KCNK12: variants seen among roughly 807,000 people sequenced by gnomAD.
KCNK12 encodes potassium channel subfamily K member 12.
Under a neutral mutation model 25.3 loss-of-function variants are expected in KCNK12, and 6 were observed. The observed-to-expected ratio is 0.24, with a 90% CI of 0.13 to 0.47. The LOEUF (loss-of-function observed/expected upper bound fraction) is 0.47. Ranked by LOEUF, KCNK12 falls within the 20% of genes least tolerant of loss-of-function variation. The pLI is 0.99. For synonymous variants in KCNK12, 331 were observed against 311.1 expected (o/e 1.06, Z -0.67); for missense variants, 444 against 661.7 (o/e 0.67, Z 3.61).
rs1228562539 is a variant in KCNK12, at chr2:47,555,594, A to G, written c.391+14347T>C. Among the ~76,000 whole-genome samples the G allele has an allele frequency of 6.6e-6, 1 of 152,254 alleles. No individual in the cohort carries two copies. On this transcript the variant is annotated intron_variant, in intron 1 of 1. Coordinates refer to ENST00000327876, the MANE Select transcript of KCNK12 (RefSeq NM_022055.2). This position sits in a 1 kb window ranked among gnomAD's most constrained non-coding sequence, Gnocchi z 4.5. ...ATTTATCACTCTTTGTTAAAATGGT[A>G]TACAACTTCTTTTTAGGTAATTCCT... is the stretch of plus-strand genomic sequence containing the variant.
At chr2:47,530,826 G>A (rs184394733) in intron 1 of KCNK12, among the ~76,000 whole-genome samples, 1 of 152,236 alleles carries the variant, frequency 6.6e-6, no homozygotes, top group Non-Finnish European at 1.5e-5. Context: ...ATTGTCCCCA[G>A]TTGTGAGATT....
chr2:47,540,870 C>T lies in KCNK12; in HGVS notation c.392-19062G>A, dbSNP rs1282113012. Among the ~76,000 whole-genome samples, 1 of 152,122 alleles carries T rather than the reference C, an allele frequency of 6.6e-6. No individual in the cohort carries two copies. Among genetic ancestry groups the T allele is most frequent in the African/African-American group, 2.4e-5 (1 of 41,418 alleles). ...GGAGGCTGAGGCAGGATTGTTTGAGCCCAGGAGGTCAAGGCTGGAGTGAGC... is the reference window on the plus strand; with the variant it reads ...GGAGGCTGAGGCAGGATTGTTTGAGTCCAGGAGGTCAAGGCTGGAGTGAGC... On this transcript the variant is annotated intron_variant, in intron 1 of 1. Coordinates refer to ENST00000327876, the MANE Select transcript of KCNK12 (RefSeq NM_022055.2). This position sits in a 1 kb window ranked among gnomAD's most constrained non-coding sequence, Gnocchi z 5.4.
At position 47,555,020 on chromosome 2, in the gene KCNK12, AG is replaced by A; in HGVS notation, c.391+14920del. ...CTCATGGAGCAGTGTACCAAGGAGCAGGAACAGCTTGTGAGGGGAACAGTCA... is the reference window on the plus strand; with the variant it reads ...CTCATGGAGCAGTGTACCAAGGAGCAGAACAGCTTGTGAGGGGAACAGTCA... On this transcript the variant is annotated intron_variant, in intron 1 of 1. Coordinates refer to ENST00000327876, the MANE Select transcript of KCNK12 (RefSeq NM_022055.2). The surrounding 1 kb of genome is among the most constrained non-coding windows in gnomAD (Gnocchi z 4.5). 6.6e-6 allele frequency among the ~76,000 whole-genome samples: 1 copy of A among 152,364 alleles called. No individual in the cohort carries two copies. The highest frequency in any genetic ancestry group is 1.9e-4 in the East Asian group (1 of 5,188).
chr2:47,526,589 C>T (rs529842703), intron 1 of KCNK12, among the ~76,000 whole-genome samples: 7 of 151,924 alleles, frequency 4.6e-5, no homozygotes, highest in African/African-American at 7.2e-5. Context: ...AAAAATTAGC[C>T]GGGCATAGTG....
intron 1 of KCNK12, among the ~76,000 whole-genome samples, chr2:47,542,910 GTTCTTT>G (rs1227084718): frequency 2.0e-5 from 3 of 152,194 alleles, no homozygotes; most frequent in Non-Finnish European, 2.9e-5. Flanking sequence ...TTGAGAATGA[GTTCTTT>G]TTCTTTTTCT....
At position 47,554,563 on chromosome 2, in the gene KCNK12, T is replaced by C. The variant is rs7558308; in HGVS notation, c.391+15378A>G. On this transcript the variant is annotated intron_variant, in intron 1 of 1. Coordinates refer to ENST00000327876, the MANE Select transcript of KCNK12 (RefSeq NM_022055.2). Reference sequence around the variant, plus strand: ...GTAAGTCCAGCGTGGCTGTAGTGCATTGAGTGAAGGGGAAAGCAGTGCCAG... The same window carrying C: ...GTAAGTCCAGCGTGGCTGTAGTGCACTGAGTGAAGGGGAAAGCAGTGCCAG... Among the ~76,000 whole-genome samples, 635 of 152,168 alleles carry C rather than the reference T, an allele frequency of 4.2e-3. 5 individuals are homozygous for C. Among genetic ancestry groups the C allele is most frequent in the African/African-American group, 0.015 (609 of 41,524 alleles).
chr2:47,521,528 G>A lies in KCNK12; in HGVS notation c.672C>T (p.Ala224=). 1 of 1,572,304 alleles carries A rather than the reference G, an allele frequency of 6.4e-7. No individual in the cohort carries two copies. The highest frequency in any genetic ancestry group is 1.9e-5 in the Admixed American group (1 of 53,156). The change falls in exon 2 of 2, where the codon GCC becomes GCT. Residue 224 remains alanine, a synonymous_variant. Coordinates refer to ENST00000327876, the MANE Select transcript of KCNK12 (RefSeq NM_022055.2). ...CCGAGGCGCAGCAGGACAGCAGCAC[G>A]GCGAACAGGCCCAGGATGAGCAGCA... is the stretch of plus-strand genomic sequence containing the variant. The part of the protein sequence containing the change: ...YHVLLILGLF[A]VLLSCCASAM...
chr2:47,549,900 C>T (rs1669390144), intron 1 of KCNK12, among the ~76,000 whole-genome samples: 1 of 151,226 alleles, frequency 6.6e-6, no homozygotes, highest in Admixed American at 6.6e-5. Context: ...CACCACTGCA[C>T]TCCAGCCTGG....
chr2:47,519,789 A>G lies in KCNK12; in HGVS notation c.*1118T>C, dbSNP rs1668607483. The G allele has an allele frequency of 6.6e-6, 1 of 152,332 alleles. No individual in the cohort carries two copies. Among genetic ancestry groups the G allele is most frequent in the South Asian group, 2.1e-4 (1 of 4,828 alleles). The allele number at this position is 152,332 out of a possible 1,614,324, so 9.4% of individuals were successfully genotyped here. A position where few individuals can be genotyped will look rare whatever the true frequency, so the allele number is the denominator to read the frequency against. ...TATCTTTCCTGACCCCAAACACATC[A>G]TGGCCTCTGGAGCCAAATACCCTGA... On this transcript the variant is annotated 3_prime_UTR_variant, in exon 2 of 2. Coordinates refer to ENST00000327876, the MANE Select transcript of KCNK12 (RefSeq NM_022055.2).
rs56901640 is a variant in KCNK12 at position 47,511,550 on chromosome 2, C to G, written c.*9357G>C. On this transcript the variant is annotated 3_prime_UTR_variant, in exon 2 of 2. Coordinates refer to ENST00000327876, the MANE Select transcript of KCNK12 (RefSeq NM_022055.2). This position sits in a 1 kb window ranked among gnomAD's most constrained non-coding sequence, Gnocchi z 4.3. ...CCCACAGTGCATGACGTTACCCGCACAGGTGTGACATCACAGGGTAACCAA... is the reference window on the plus strand; with the variant it reads ...CCCACAGTGCATGACGTTACCCGCAGAGGTGTGACATCACAGGGTAACCAA... 3.8e-3 allele frequency among the ~76,000 whole-genome samples: 579 copies of G among 152,232 alleles called. 9 individuals are homozygous for G. Among genetic ancestry groups the G allele is most frequent in the African/African-American group, 0.013 (549 of 41,524 alleles).
At chr2:47,564,283 G>A (rs575705622) in intron 1 of KCNK12, 7 of 230,216 alleles carry the variant, frequency 3.0e-5, no homozygotes, top group African/African-American at 1.5e-4. Context: ...CGCTCCAAAG[G>A]GGCTGGCCAC....
chr2:47,521,767 A>G lies in KCNK12; in HGVS notation c.433T>C (p.Phe145Leu), dbSNP rs1410135990. The G allele has an allele frequency of 1.3e-6, 2 of 1,539,210 alleles. No homozygotes were observed. Among genetic ancestry groups the G allele is most frequent in the Non-Finnish European group, 8.7e-7 (1 of 1,150,018 alleles). Residue 145 changes from phenylalanine (F) to leucine (L), a missense_variant, in exon 2 of 2, where the codon TTC becomes CTC. By Grantham distance (22) the Phe-to-Leu change is conservative (BLOSUM62 0). This residue lies in a region of KCNK12 where 44 missense variants were observed against 100.7 expected (regional missense o/e 0.44). Transcript: ENST00000327876. ...CCGAACAGCCCGTAGGCGATGAGGA[A>G]GGCCTTCCCGCCCACCGTCGCGGGG... ...TTPATVGGKA[F>L]LIAYGLFGCA...
intron 1 of KCNK12, among the ~76,000 whole-genome samples, chr2:47,537,067 T>G (rs1389935295): frequency 6.6e-6 from 1 of 152,216 alleles, no homozygotes; most frequent in Admixed American, 6.5e-5. Context: ...TGTGAAATGC[T>G]TATGCTCCAT....
At chr2:47,542,515 C>T (rs1669222411) in intron 1 of KCNK12, among the ~76,000 whole-genome samples, 1 of 152,220 alleles carries the variant, frequency 6.6e-6, no homozygotes, top group African/African-American at 2.4e-5. Flanking sequence ...TTCTTGCTCC[C>T]TTTCATGGGA....
At chr2:47,559,672 C>G (rs1488906293) in intron 1 of KCNK12, among the ~76,000 whole-genome samples, 1 of 152,170 alleles carries the variant, frequency 6.6e-6, no homozygotes, top group African/African-American at 2.4e-5. Flanking sequence ...TTCTGCATAC[C>G]TACTATGTGC....
At chr2:47,568,764 A>G (rs938659941) in intron 1 of KCNK12, among the ~76,000 whole-genome samples, 11 of 152,162 alleles carry the variant, frequency 7.2e-5, no homozygotes. Context: ...CCCTCCTCCA[A>G]AACTGCACAG....
intron 1 of KCNK12, among the ~76,000 whole-genome samples, chr2:47,545,781 C>G (rs906374738): frequency 4.6e-5 from 7 of 152,182 alleles, no homozygotes; most frequent in African/African-American, 1.7e-4. Flanking sequence ...ATAGCATGAC[C>G]ACCTCAAAAT....
chr2:47,541,875 G>C (rs1572595774), intron 1 of KCNK12, among the ~76,000 whole-genome samples: 1 of 152,174 alleles, frequency 6.6e-6, no homozygotes, highest in African/African-American at 2.4e-5. Flanking sequence ...AAGTCCCCCA[G>C]TCCGTGGTAC....
chr2:47,509,650 A>G lies in KCNK12; in HGVS notation c.*11257T>C, dbSNP rs1030482342. On this transcript the variant is annotated 3_prime_UTR_variant, in exon 2 of 2. Transcript: ENST00000327876. ...CCCAGTCAGGTCATCAGTGTCAGAG[A>G]GCTAGGTGGCCAGGTTGGAGTTGAT... Among the ~76,000 whole-genome samples the G allele has an allele frequency of 6.6e-6, 1 of 152,206 alleles. No homozygotes were observed. Among genetic ancestry groups the G allele is most frequent in the African/African-American group, 2.4e-5 (1 of 41,444 alleles).
Sources: gnomAD v4.1 joint callset for allele counts (sites outside exome capture counted in the v4.1 genomes callset) on GRCh38, gnomAD v4.1.1 for gene constraint, gnomAD v4.1.1 regional missense constraint, Gnocchi (gnomAD v3.1) non-coding constraint, MANE v1.5 for transcripts, NCBI Gene and HGNC (gene_info 2026-07-23, HGNC 2026-07-21) for gene names.